NFIB: variants seen among roughly 807,000 people sequenced by gnomAD.
NFIB encodes nuclear factor 1 B-type.
NFIB carries 11 observed loss-of-function variants against 61.5 expected under a neutral mutation model. That is an observed-to-expected ratio of 0.18 (90% confidence interval 0.11 to 0.30). The LOEUF (loss-of-function observed/expected upper bound fraction) is 0.30. NFIB is among the 10% of genes least tolerant of loss of function. The probability of loss-of-function intolerance (pLI) is 1.00; values close to 1 mark genes in which losing one functional copy is unlikely to be tolerated. For missense variants in NFIB, 471 were observed against 608.9 expected, an observed-to-expected ratio of 0.77 and a Z score of 2.38; for synonymous variants, 260 against 216.5, an observed-to-expected ratio of 1.20 and a Z score of -1.76.
intron 1 of NFIB, among the ~76,000 whole-genome samples, chr9:14,364,151 T>G (rs907206037): frequency 2.0e-5 from 3 of 152,224 alleles, no homozygotes; most frequent in Admixed American, 2.0e-4. Flanking sequence ...TCCAATAATT[T>G]TATACCCATT....
chr9:14,391,731 A>G (rs1416235529), intron 1 of NFIB, among the ~76,000 whole-genome samples: 1 of 152,124 alleles, frequency 6.6e-6, no homozygotes, highest in African/African-American at 2.4e-5. Flanking sequence ...GGGGAGAAAA[A>G]AAACACAGAC....
chr9:14,197,256 C>A (rs531590041), intron 2 of NFIB, among the ~76,000 whole-genome samples: 1 of 152,152 alleles, frequency 6.6e-6, no homozygotes, highest in Non-Finnish European at 1.5e-5. Context: ...ATCTGAGGGA[C>A]GACCCTTAAC....
the NFIB span, among the ~76,000 whole-genome samples, chr9:14,515,514 T>C: frequency 6.6e-6 from 1 of 152,128 alleles, no homozygotes; most frequent in Non-Finnish European, 1.5e-5. Context: ...GTTTCTCTAG[T>C]GTGGTGCCAG....
At chr9:14,444,270 T>A in the NFIB span, among the ~76,000 whole-genome samples, 1 of 152,096 alleles carries the variant, frequency 6.6e-6, no homozygotes, top group East Asian at 1.9e-4. Context: ...ACCAAGACAA[T>A]GAAAGAACAC....
At chr9:14,405,505 C>G in the NFIB span, among the ~76,000 whole-genome samples, 2 of 152,124 alleles carry the variant, frequency 1.3e-5, no homozygotes, top group African/African-American at 4.8e-5. Flanking sequence ...GGTGGCAAAA[C>G]CTTTGATAAA....
intron 1 of NFIB, among the ~76,000 whole-genome samples, chr9:14,346,065 C>T (rs1413030639): frequency 2.6e-5 from 4 of 152,146 alleles, no homozygotes; most frequent in Admixed American, 1.3e-4. Flanking sequence ...CGACCCTGAT[C>T]CCCGGCGCGC....
At chr9:14,281,850 G>GTT (rs141780103) in intron 2 of NFIB, among the ~76,000 whole-genome samples, 3 of 151,770 alleles carry the variant, frequency 2.0e-5, no homozygotes, top group African/African-American at 7.3e-5. Flanking sequence ...CCCCACACGT[G>GTT]TTTTTTTTAG....
At position 14,084,982 on chromosome 9, in the gene NFIB, T is replaced by A. The variant is rs2032620089; in HGVS notation, c.*3327A>T. On this transcript the variant is annotated 3_prime_UTR_variant, in exon 11 of 11. Transcript: ENST00000380953. ...GCTCACTGGCAAAAAAGAGAGCGAG[T>A]CTGCCTTTAAAAAATACTGTGTGTC... 4.4e-6 allele frequency: 1 copy of A among 229,614 alleles called. No individual in the cohort carries two copies. The highest frequency in any genetic ancestry group is 8.6e-6 in the Non-Finnish European group (1 of 115,702). The allele number at this position is 229,614 out of a possible 1,614,324, so 14.2% of individuals were successfully genotyped here. A position where few individuals can be genotyped will look rare whatever the true frequency, so the allele number is the denominator to read the frequency against.
At chr9:14,196,479 C>G (rs182607037) in intron 2 of NFIB, among the ~76,000 whole-genome samples, 2 of 152,018 alleles carry the variant, frequency 1.3e-5, no homozygotes, top group Admixed American at 1.3e-4. Context: ...GCTGCCACCC[C>G]CTACTCTCCC....
At chr9:14,112,965 G>A in intron 10 of NFIB, 34 bp downstream of exon 10, 2 of 1,544,250 alleles carry the variant, frequency 1.3e-6, no homozygotes, top group Non-Finnish European at 1.8e-6. Flanking sequence ...CGAAAGCGTG[G>A]CTACACCGTC....
In NFIB at chr9:14,196,593, T is replaced by C. The variant is rs553577843; in HGVS notation, c.563-16813A>G. Among the ~76,000 whole-genome samples the C allele has an allele frequency of 2.0e-4, 30 of 152,046 alleles. 1 individual carries two copies. The South Asian group carries it at 5.6e-3, about 28-fold the overall frequency. On this transcript the variant is annotated intron_variant, in intron 2 of 10. Coordinates refer to ENST00000380953, the MANE Select transcript of NFIB (RefSeq NM_001190737.2). ...CAGTAATTAGGAGCATCAAGTTAAT[T>C]GTGTCTACTCCCCACAGAATGTGTC...
At chr9:14,412,529 G>C in the NFIB span, among the ~76,000 whole-genome samples, 1 of 152,282 alleles carries the variant, frequency 6.6e-6, no homozygotes, top group African/African-American at 2.4e-5. Flanking sequence ...CTGCTGCTGC[G>C]ACTGGCCTCC....
rs575208839 is a variant in NFIB, at chr9:14,087,218, TA to T, written c.*1090del. 151 of 202,836 alleles carry T rather than the reference TA, an allele frequency of 7.4e-4. 1 individual carries two copies. The highest frequency in any genetic ancestry group is 1.3e-3 in the South Asian group (7 of 5,242). The allele number at this position is 202,836 out of a possible 1,614,324, so 12.6% of individuals were successfully genotyped here. A position where few individuals can be genotyped will look rare whatever the true frequency, so the allele number is the denominator to read the frequency against. On this transcript the variant is annotated 3_prime_UTR_variant, in exon 11 of 11. Transcript: ENST00000380953. ...ATTCTACCTCCAAGGAGGCTGCAGC[TA>T]AACCAACATAAGTGCTGTGTTTTCA...
chr9:14,263,212 G>GT (rs74887454), intron 2 of NFIB, among the ~76,000 whole-genome samples: 38 of 148,324 alleles, frequency 2.6e-4, no homozygotes, highest in South Asian at 6.5e-4. Context: ...GTTAAACAAG[G>GT]TTTTTTTTTT....
At chr9:14,353,334 G>C (rs1301577979) in intron 1 of NFIB, among the ~76,000 whole-genome samples, 5 of 152,124 alleles carry the variant, frequency 3.3e-5, no homozygotes, top group Admixed American at 2.0e-4. Context: ...TGTTCTATAG[G>C]GTTCTTCATT....
At chr9:14,269,733 T>G (rs537605507) in intron 2 of NFIB, among the ~76,000 whole-genome samples, 1 of 152,296 alleles carries the variant, frequency 6.6e-6, no homozygotes, top group East Asian at 1.9e-4. Context: ...TGTCCCGATT[T>G]TTTTTTCTTG....
chr9:14,342,170 C>G lies in NFIB; in HGVS notation c.109-34650G>C, dbSNP rs148912107. ...GGCTGGATTATGGGTAAGGGTCTCT[C>G]TCATTAACCATTTGAAAATAAAGAA... On this transcript the variant is annotated intron_variant, in intron 1 of 8. Coordinates refer to the NFIB transcript ENST00000380934. Among the ~76,000 whole-genome samples, 1,222 of 152,296 alleles carry G rather than the reference C, an allele frequency of 8.0e-3. 17 individuals carry two copies. The highest frequency in any genetic ancestry group is 0.028 in the African/African-American group (1,145 of 41,554).
chr9:14,514,323 T>TACCCACACAC, the NFIB span, among the ~76,000 whole-genome samples: 1 of 147,330 alleles, frequency 6.8e-6, no homozygotes. Context: ...CATACATACA[T>TACCCACACAC]ACATACACAC....
At chr9:14,222,373 G>T (rs745855452) in intron 2 of NFIB, among the ~76,000 whole-genome samples, 3 of 152,108 alleles carry the variant, frequency 2.0e-5, no homozygotes, top group Non-Finnish European at 4.4e-5. Context: ...GTCCTTAAGG[G>T]TCATTTCCTG....
Sources: gnomAD v4.1 joint callset for allele counts (sites outside exome capture counted in the v4.1 genomes callset) on GRCh38, gnomAD v4.1.1 for gene constraint, MANE v1.5 for transcripts, NCBI Gene and HGNC (gene_info 2026-07-23, HGNC 2026-07-21) for gene names.